Variants in MYO10 observed in about 807,000 individuals in gnomAD.
MYO10 encodes the protein myosin X, also known as unconventional myosin-X.
MYO10 carries 133 observed loss-of-function variants against 257.3 expected under a neutral mutation model. That is an observed-to-expected ratio of 0.52 (90% CI 0.45 to 0.60). MYO10 has a LOEUF of 0.60. Among genes scored for constraint, MYO10 ranks in the 20% least tolerant of loss-of-function variants. The pLI, the probability that MYO10 is intolerant of heterozygous loss-of-function variation, is 0.00. For synonymous variants in MYO10, 1,104 were observed against 1,028.6 expected (o/e 1.07, Z -1.40); for missense variants, 2,399 against 2,635.7 (o/e 0.91, Z 1.97).
intron 1 of MYO10, among the ~76,000 whole-genome samples, chr5:16,926,821 T>C (rs1746146435): frequency 6.6e-6 from 1 of 152,148 alleles, no homozygotes; most frequent in Admixed American, 6.5e-5. Context: ...ACAAGTGAGT[T>C]TGCTAAAATA....
intron 2 of MYO10, among the ~76,000 whole-genome samples, chr5:16,873,458 T>C (rs1687690076): frequency 6.6e-6 from 1 of 152,208 alleles, no homozygotes; most frequent in Non-Finnish European, 1.5e-5. Flanking sequence ...CAGTGCAAGC[T>C]GTCAGTGGAT....
In MYO10 at chr5:16,891,378, A is replaced by G. The variant is rs199846725; in HGVS notation, c.22-13671T>C. Among the ~76,000 whole-genome samples the G allele has an allele frequency of 1.3e-4, 13 of 96,470 alleles. No individual in the cohort carries two copies. In the South Asian group the frequency reaches 1.5e-3, roughly 11 times the overall value. 63.3% of individuals were successfully genotyped at this position (96,470 alleles called of 152,430 possible). ...AAGGAAGGAAGGAAGGAAGGAAGGA[A>G]GGAGAGAGAGAGGAAGGAGGAAGGA... is the stretch of plus-strand genomic sequence containing the variant. On this transcript the variant is annotated intron_variant, in intron 1 of 40. Coordinates refer to ENST00000513610, the MANE Select transcript of MYO10 (RefSeq NM_012334.3).
chr5:16,738,114 T>C (rs889960498), intron 19 of MYO10: 1 of 983,468 alleles, frequency 1.0e-6, no homozygotes, highest in Non-Finnish European at 1.2e-6. Context: ...GAGGTGGAAA[T>C]ACACAGGGGA....
intron 4 of MYO10, among the ~76,000 whole-genome samples, chr5:16,790,231 G>A (rs1440408017): frequency 6.6e-6 from 1 of 152,046 alleles, no homozygotes; most frequent in Non-Finnish European, 1.5e-5. Context: ...CAAAGATCCT[G>A]AACCAACAGT....
Position 16,851,970 on chromosome 5 carries a change from G to T in MYO10, c.120+25639C>A, listed in dbSNP as rs182089256. 1.4e-3 allele frequency among the ~76,000 whole-genome samples: 192 copies of T among 139,362 alleles called. 2 individuals are homozygous for T. The highest frequency in any genetic ancestry group is 2.0e-3 in the Non-Finnish European group (133 of 65,950). The allele number at this position is 139,362 out of a possible 152,430, so 91.4% of individuals were successfully genotyped here. ...GGAGGCTGAGACGGAAGAATCGCTTGAACCTGGGAGTTGGAGGTTGCAGTG... is the reference window on the plus strand; with the variant it reads ...GGAGGCTGAGACGGAAGAATCGCTTTAACCTGGGAGTTGGAGGTTGCAGTG... On this transcript the variant is annotated intron_variant, in intron 2 of 40. Coordinates refer to ENST00000513610, the MANE Select transcript of MYO10 (RefSeq NM_012334.3).
intron 3 of MYO10, among the ~76,000 whole-genome samples, chr5:16,811,821 G>T (rs1054771230): frequency 6.6e-6 from 1 of 152,150 alleles, no homozygotes; most frequent in Non-Finnish European, 1.5e-5. Flanking sequence ...AAAGAGCTGG[G>T]ATTACAAGCA....
chr5:16,832,358 G>C (rs932151233), intron 2 of MYO10, among the ~76,000 whole-genome samples: 1 of 152,112 alleles, frequency 6.6e-6, no homozygotes, highest in African/African-American at 2.4e-5. Context: ...GAATGTATCT[G>C]GATAAATATA....
rs746751894 is a variant in MYO10, at chr5:16,762,115, T to TAAAAAAA, written c.1588-9_1588-3dup. 2.5e-4 allele frequency: 143 copies of TAAAAAAA among 567,510 alleles called. 1 individual carries two copies. The highest frequency in any genetic ancestry group is 5.3e-4 in the African/African-American group (16 of 29,918). 35.2% of individuals were successfully genotyped at this position (567,510 alleles called of 1,614,324 possible). ...GGGCTTCACATAAAAGTGGTTATTC[T>TAAAAAAA]AAAAAAAAAAAAAAAAAAAAAAAAA... On this transcript the variant is annotated splice_polypyrimidine_tract_variant and splice_region_variant and intron_variant, in intron 15 of 40. Coordinates refer to ENST00000513610, the MANE Select transcript of MYO10 (RefSeq NM_012334.3).
In MYO10 at chr5:16,859,544, G is replaced by A. The variant is rs1049670210; in HGVS notation, c.120+18065C>T. Reference sequence around the variant, plus strand: ...GAGGATCATTTGAGGCCAAAAGTTTGAGACCAGCCTGGGCAACACAGTGAG... The same window carrying A: ...GAGGATCATTTGAGGCCAAAAGTTTAAGACCAGCCTGGGCAACACAGTGAG... On this transcript the variant is annotated intron_variant, in intron 2 of 40. Transcript: ENST00000513610. 5.3e-5 allele frequency among the ~76,000 whole-genome samples: 8 copies of A among 152,196 alleles called. No individual in the cohort carries two copies. The South Asian group carries it at 1.7e-3, about 32-fold the overall frequency.
At chr5:16,885,576 G>A (rs1744874333) in intron 1 of MYO10, among the ~76,000 whole-genome samples, 1 of 152,030 alleles carries the variant, frequency 6.6e-6, no homozygotes. Context: ...GGGAGGCTGG[G>A]CAGGAGAATC....
At chr5:16,905,248 T>TA (rs1489057608) in intron 1 of MYO10, among the ~76,000 whole-genome samples, 2 of 152,162 alleles carry the variant, frequency 1.3e-5, no homozygotes, top group Non-Finnish European at 2.9e-5. Context: ...ATGGACTCGG[T>TA]ATTCCACAAA....
intron 3 of MYO10, among the ~76,000 whole-genome samples, chr5:16,799,410 G>T (rs1742055403): frequency 6.6e-6 from 1 of 152,072 alleles, no homozygotes; most frequent in Non-Finnish European, 1.5e-5. Flanking sequence ...AGTAGCTGTG[G>T]CAACTAGAGA....
intron 9 of MYO10, 52 bp downstream of exon 9, chr5:16,779,493 C>G (rs1164135318): frequency 9.2e-7 from 1 of 1,087,730 alleles, no homozygotes; most frequent in Non-Finnish European, 1.3e-6. Flanking sequence ...ATCTGTTACT[C>G]TTAATAAGGT....
At chr5:16,714,809 C>A (rs1045523932) in intron 19 of MYO10, among the ~76,000 whole-genome samples, 1 of 151,862 alleles carries the variant, frequency 6.6e-6, no homozygotes, top group East Asian at 1.9e-4. Flanking sequence ...GGCGACAGAG[C>A]GAGAAAACAA....
At chr5:16,675,197 T>C (rs750966652) in intron 34 of MYO10, 47 bp from the exon 35 acceptor site, 5 of 1,595,594 alleles carry the variant, frequency 3.1e-6, no homozygotes, top group Non-Finnish European at 4.3e-6. Context: ...GGGTTCAGAA[T>C]AGGGCATGAG....
At chr5:16,765,864 G>A (rs888123900) in intron 11 of MYO10, among the ~76,000 whole-genome samples, 8 of 152,100 alleles carry the variant, frequency 5.3e-5, no homozygotes, top group African/African-American at 9.7e-5. Flanking sequence ...ACAACAATTC[G>A]ATGTTATTTT....
chr5:16,894,671 A>G (rs1745169513), intron 1 of MYO10, among the ~76,000 whole-genome samples: 1 of 152,196 alleles, frequency 6.6e-6, no homozygotes. Context: ...TTAGTAAGGG[A>G]CACGCCTCAT....
chr5:16,925,741 G>A (rs1235315051), intron 1 of MYO10, among the ~76,000 whole-genome samples: 1 of 152,220 alleles, frequency 6.6e-6, no homozygotes, highest in Non-Finnish European at 1.5e-5. Context: ...ACACAGCATT[G>A]AAAAGTTATA....
chr5:16,735,899 T>C (rs1739777073), intron 19 of MYO10, among the ~76,000 whole-genome samples: 5 of 152,066 alleles, frequency 3.3e-5, no homozygotes, highest in Non-Finnish European at 7.4e-5. Context: ...CTTTCCTACA[T>C]TTTTGCACCC....
Sources: allele counts gnomAD v4.1 joint callset (sites outside exome capture counted in the v4.1 genomes callset), GRCh38; gene constraint gnomAD v4.1.1; transcripts MANE v1.5; gene names NCBI Gene and HGNC (gene_info 2026-07-23, HGNC 2026-07-21).